The following TSPAN4 variants were observed in gnomAD, a reference collection of about 807,000 sequenced individuals.
TSPAN4 encodes the protein tetraspanin 4.
A neutral mutation model predicts 31.5 loss-of-function variants in TSPAN4; 38 were observed. That is an observed-to-expected ratio of 1.21 (90% CI 0.93 to 1.58). TSPAN4 has a LOEUF of 1.58. TSPAN4 is among the 40% of genes most tolerant of loss of function. TSPAN4 has a pLI of 0.00. For synonymous variants in TSPAN4, 186 were observed against 144.6 expected, an observed-to-expected ratio of 1.29 and a Z score of -2.06; for missense variants, 330 against 317.3, an observed-to-expected ratio of 1.04 and a Z score of -0.30.
intron 3 of TSPAN4, among the ~76,000 whole-genome samples, chr11:856,185 C>T (rs1294948263): frequency 6.6e-6 from 1 of 152,128 alleles, no homozygotes; most frequent in Non-Finnish European, 1.5e-5. Flanking sequence ...GCCCCCCGAG[C>T]CTCTTGGGTG....
chr11:850,334 G>A lies in TSPAN4; in HGVS notation c.30G>A (p.Lys10=), dbSNP rs759457126. 1.2e-5 allele frequency: 19 copies of A among 1,607,576 alleles called. No homozygotes were observed. Among genetic ancestry groups the A allele is most frequent in the East Asian group, 2.2e-5 (1 of 44,818 alleles). The change falls in exon 3 of 9, where the codon AAG becomes AAA. Residue 10 remains lysine, a synonymous_variant. Transcript: ENST00000397397. ...CGCGCGCCTGCCTCCAGGCCGTCAAGTACCTCATGTTCGCCTTCAACCTGC... is the reference window on the plus strand; with the variant it reads ...CGCGCGCCTGCCTCCAGGCCGTCAAATACCTCATGTTCGCCTTCAACCTGC... MARACLQAV[K]YLMFAFNLLF... is the part of the protein sequence containing the mutation.
intron 1 of TSPAN4, among the ~76,000 whole-genome samples, chr11:845,994 A>C (rs2133982887): frequency 6.6e-6 from 1 of 152,278 alleles, no homozygotes; most frequent in Admixed American, 6.5e-5. Flanking sequence ...TGGGACGGGC[A>C]CTGGGGCCCC....
rs373182502 is a variant in TSPAN4 at position 850,283 on chromosome 11, C to G, written c.-17-5C>G. The G allele has an allele frequency of 5.6e-6, 9 of 1,604,940 alleles. No homozygotes were observed. Among genetic ancestry groups the G allele is most frequent in the Admixed American group, 1.7e-5 (1 of 59,388 alleles). ...ACCTGGACCTCTCCTTCATCTTCCT[C>G]CTAGAACTGAAGCGCTGCGGCATGG... On this transcript the variant is annotated splice_region_variant and splice_polypyrimidine_tract_variant and intron_variant, in intron 2 of 8. Coordinates refer to ENST00000397397, the MANE Select transcript of TSPAN4 (RefSeq NM_003271.5).
chr11:849,847 G>C (rs899164853), intron 2 of TSPAN4: 3 of 147,410 alleles, frequency 2.0e-5, no homozygotes, highest in Non-Finnish European at 3.0e-5. Context: ...CGCAGCGCGC[G>C]GGCCGGGCAG....
chr11:865,017 G>A (rs900854471), intron 5 of TSPAN4: 8 of 184,292 alleles, frequency 4.3e-5, no homozygotes, highest in Non-Finnish European at 9.2e-5. Context: ...GTCCCCTGAC[G>A]TGCCCCCATC....
rs199886265 is a variant in TSPAN4 at position 865,561 on chromosome 11, G to A, written c.379G>A (p.Gly127Ser). ...CCTGAAGAAAGGCTTGCACCTGTAC[G>A]GCACGCAGGGCAACGTGGGCCTCAC... ...QDLKKGLHLYGTQGNVGLTNA... is the reference protein window; with the variant it reads ...QDLKKGLHLYSTQGNVGLTNA... The change falls in exon 6 of 9, where the codon GGC becomes AGC. Residue 127 changes from glycine (G) to serine (S), a missense_variant. By Grantham distance (56) the Gly-to-Ser change is moderately conservative. Coordinates refer to ENST00000397397, the MANE Select transcript of TSPAN4 (RefSeq NM_003271.5). The A allele has an allele frequency of 3.0e-4, 490 of 1,612,610 alleles. 2 individuals carry two copies. The East Asian group carries it at 3.1e-3, about 10-fold the overall frequency.
intron 3 of TSPAN4, among the ~76,000 whole-genome samples, chr11:854,730 AG>A (rs35948791): frequency 0.99 from 150,934 of 152,280 alleles, 74,816 homozygotes; most frequent in Middle Eastern, 1. Flanking sequence ...AGCCTGGTGG[AG>A]GGGGTGCAGT....
intron 3 of TSPAN4, among the ~76,000 whole-genome samples, chr11:858,900 G>T (rs1848232003): frequency 1.0e-5 from 1 of 98,010 alleles, no homozygotes; most frequent in Non-Finnish European, 2.0e-5. Flanking sequence ...ACGCATCCCC[G>T]CTCACACGCA....
intron 6 of TSPAN4, 22 bp downstream of exon 6, chr11:865,636 G>A (rs562665622): frequency 9.3e-6 from 15 of 1,612,316 alleles, no homozygotes; most frequent in Middle Eastern, 1.7e-4. Flanking sequence ...GCAGGTGGGC[G>A]GGGTCGGCGG....
At position 866,715 on chromosome 11, in the gene TSPAN4, G is replaced by A. The variant is rs1848874003; in HGVS notation, c.*85G>A. 1.1e-5 allele frequency: 15 copies of A among 1,340,780 alleles called. No individual in the cohort carries two copies. Among genetic ancestry groups the A allele is most frequent in the Admixed American group, 4.1e-5 (2 of 49,262 alleles). 83.1% of individuals were successfully genotyped at this position (1,340,780 alleles called of 1,614,324 possible). ...AGCTGCCTTTCCCACCACCAGCCTC[G>A]GTGCTCTGCCCCATGCTGGGAGGAG... On this transcript the variant is annotated 3_prime_UTR_variant, in exon 9 of 9. Transcript: ENST00000397397.
intron 5 of TSPAN4, 144 bp downstream of exon 5, chr11:864,655 G>T (rs1301616995): frequency 3.0e-6 from 3 of 1,014,326 alleles, no homozygotes; most frequent in Non-Finnish European, 4.4e-6. Context: ...GATTTACCAG[G>T]CCTGGAGGGG....
At position 850,438 on chromosome 11, in the gene TSPAN4, G is replaced by A. The variant is rs1029548529; in HGVS notation, c.63+71G>A. 11 of 1,393,248 alleles carry A rather than the reference G, an allele frequency of 7.9e-6. No homozygotes were observed. In the African/African-American group the frequency reaches 1.6e-4, roughly 20 times the overall value. 86.3% of individuals were successfully genotyped at this position (1,393,248 alleles called of 1,614,324 possible). On this transcript the variant is annotated intron_variant, in intron 3 of 8. Coordinates refer to ENST00000397397, the MANE Select transcript of TSPAN4 (RefSeq NM_003271.5). ...CCTCCCGCGGCGGGTCGCGGGGTCT[G>A]GGGAGTCGGAGTCGCTGCCCCGGCC...
chr11:865,524 T>C lies in TSPAN4; in HGVS notation c.342T>C (p.Tyr114=). ...CCCCGCACCCCCAGATTGACAGGTA[T>C]GCCCAGCAAGACCTGAAGAAAGGCT... ...FFAYTDKIDR[Y]AQQDLKKGLH... The change falls in exon 6 of 9, where the codon TAT becomes TAC. Residue 114 remains tyrosine, a synonymous_variant. Coordinates refer to ENST00000397397, the MANE Select transcript of TSPAN4 (RefSeq NM_003271.5). 6.2e-7 allele frequency: 1 copy of C among 1,611,310 alleles called. No homozygotes were observed. The highest frequency in any genetic ancestry group is 8.5e-7 in the Non-Finnish European group (1 of 1,179,700).
intron 3 of TSPAN4, chr11:862,315 C>T: frequency 1.8e-6 from 1 of 548,300 alleles, no homozygotes; most frequent in South Asian, 2.5e-5. Flanking sequence ...GCCTCCCCGA[C>T]TGTGGCCATG....
chr11:849,766 C>A (rs1450501038), intron 2 of TSPAN4: 1 of 82,392 alleles, frequency 1.2e-5, no homozygotes, highest in South Asian at 4.1e-4. Flanking sequence ...GGGGTCCGCG[C>A]GGGGGCGGAG....
rs1196445648 is a variant in TSPAN4, at chr11:865,911, C to T, written c.565-7C>T. On this transcript the variant is annotated splice_region_variant and splice_polypyrimidine_tract_variant and intron_variant, in intron 7 of 8. Transcript: ENST00000397397. The stretch of plus-strand genomic sequence containing the variant: ...TGCCGTGACACGCATGACATCCCTC[C>T]CTGCAGCCGTGCTACGAGACGGTGA... 6.8e-6 allele frequency: 11 copies of T among 1,613,060 alleles called. No homozygotes were observed. The highest frequency in any genetic ancestry group is 2.7e-5 in the African/African-American group (2 of 74,922).
chr11:864,348 A>G (rs1589795600), intron 4 of TSPAN4, 89 bp from the exon 5 acceptor site: 6 of 1,513,378 alleles, frequency 4.0e-6, no homozygotes, highest in African/African-American at 1.4e-5. Context: ...CCAGGTATCC[A>G]TGAGGTACGT....
At position 848,242 on chromosome 11, in the gene TSPAN4, C is replaced by T. The variant is rs868082564; in HGVS notation, c.-18+942C>T. Among the ~76,000 whole-genome samples the T allele has an allele frequency of 6.6e-6, 1 of 152,156 alleles. No individual in the cohort carries two copies. The highest frequency in any genetic ancestry group is 6.5e-5 in the Admixed American group (1 of 15,284). On this transcript the variant is annotated intron_variant, in intron 2 of 8. Transcript: ENST00000397397. This position sits in a 1 kb window ranked among gnomAD's most constrained non-coding sequence, Gnocchi z 5.7. ...GGGCTCCTGGGGTCTCTGCTGGGCCCCGATGCGTGGCCGCCGTTCTGACCC... is the reference window on the plus strand; with the variant it reads ...GGGCTCCTGGGGTCTCTGCTGGGCCTCGATGCGTGGCCGCCGTTCTGACCC...
chr11:846,149 C>T (rs1330161193), intron 1 of TSPAN4, among the ~76,000 whole-genome samples: 2 of 152,216 alleles, frequency 1.3e-5, no homozygotes, highest in Non-Finnish European at 2.9e-5. Flanking sequence ...CTGAGCTGCC[C>T]CTGCTGAGCT....
Sources: allele counts gnomAD v4.1 joint callset (sites outside exome capture counted in the v4.1 genomes callset), GRCh38; gene constraint gnomAD v4.1.1; non-coding constraint Gnocchi (gnomAD v3.1); transcripts MANE v1.5; gene names NCBI Gene and HGNC (gene_info 2026-07-23, HGNC 2026-07-21).